CTIF: variants seen among roughly 807,000 people sequenced by gnomAD.
CTIF encodes cap binding complex dependent translation initiation factor.
CTIF carries 21 observed loss-of-function variants against 66.0 expected under a neutral mutation model. That is an observed-to-expected ratio of 0.32 (90% CI 0.23 to 0.46). The LOEUF is 0.46. Among genes scored for constraint, CTIF ranks in the 20% least tolerant of loss-of-function variants. The pLI is 1.00. For synonymous variants in CTIF, 345 were observed against 326.4 expected (o/e 1.06, Z -0.62); for missense variants, 739 against 812.7 (o/e 0.91, Z 1.10).
chr18:48,724,587 A>C (rs766614546), intron 7 of CTIF, among the ~76,000 whole-genome samples: 7 of 152,092 alleles, frequency 4.6e-5, no homozygotes, highest in Non-Finnish European at 7.4e-5. Flanking sequence ...TCATGGCCTC[A>C]TTCATCCTCC....
At chr18:48,813,959 A>T (rs994488624) in intron 9 of CTIF, among the ~76,000 whole-genome samples, 1 of 152,202 alleles carries the variant, frequency 6.6e-6, no homozygotes, top group Non-Finnish European at 1.5e-5. Flanking sequence ...GTACTGACAG[A>T]TACTGTCTAC....
chr18:48,695,836 C>T (rs1035168894), intron 6 of CTIF, among the ~76,000 whole-genome samples: 1 of 152,192 alleles, frequency 6.6e-6, no homozygotes, highest in Non-Finnish European at 1.5e-5. Context: ...GAGAAGAGCG[C>T]GTATTTATCG....
At chr18:48,546,902 GCTTTGAATGTCCA>G (rs1167298102) in intron 1 of CTIF, among the ~76,000 whole-genome samples, 1 of 152,190 alleles carries the variant, frequency 6.6e-6, no homozygotes, top group Non-Finnish European at 1.5e-5. Context: ...GCCTGTTAGA[GCTTTGAATGTCCA>G]CTACACATGT....
intron 10 of CTIF, among the ~76,000 whole-genome samples, chr18:48,848,368 A>G (rs544219579): frequency 6.6e-6 from 1 of 152,072 alleles, no homozygotes; most frequent in Admixed American, 6.5e-5. Context: ...TGGCTCCCTC[A>G]TGGCTGCCCC....
At chr18:48,680,849 C>G (rs75799414) in intron 6 of CTIF, among the ~76,000 whole-genome samples, 10,086 of 152,314 alleles carry the variant, frequency 0.066, 447 homozygotes, top group Non-Finnish European at 0.092. Context: ...TAGCCAATGT[C>G]CCATTTCTGG....
intron 9 of CTIF, among the ~76,000 whole-genome samples, chr18:48,792,272 A>G (rs1050736187): frequency 2.0e-5 from 3 of 146,578 alleles, no homozygotes; most frequent in African/African-American, 7.4e-5. Flanking sequence ...TGCCTGCCCC[A>G]TGGGAGAACT....
intron 1 of CTIF, among the ~76,000 whole-genome samples, chr18:48,588,843 T>C (rs2089827953): frequency 6.6e-6 from 1 of 152,250 alleles, no homozygotes; most frequent in African/African-American, 2.4e-5. Flanking sequence ...GCAGCTGAAC[T>C]GGACTTATCC....
chr18:48,721,429 C>A (rs1336186082), intron 7 of CTIF, among the ~76,000 whole-genome samples: 1 of 152,202 alleles, frequency 6.6e-6, no homozygotes, highest in African/African-American at 2.4e-5. Context: ...TGAGGATTGG[C>A]TCACAAACAC....
At chr18:48,782,887 A>T (rs1016775918) in intron 9 of CTIF, among the ~76,000 whole-genome samples, 3 of 151,506 alleles carry the variant, frequency 2.0e-5, no homozygotes, top group Admixed American at 1.3e-4. Context: ...ACCCACCCCC[A>T]CTCCACTGGC....
chr18:48,813,822 A>ATC (rs2068308537), intron 9 of CTIF, among the ~76,000 whole-genome samples: 1 of 152,188 alleles, frequency 6.6e-6, no homozygotes, highest in Non-Finnish European at 1.5e-5. Context: ...TGAGAGCACC[A>ATC]TCCCTTAAAG....
intron 1 of CTIF, among the ~76,000 whole-genome samples, chr18:48,570,105 G>A (rs2089377677): frequency 6.6e-6 from 1 of 152,218 alleles, no homozygotes; most frequent in East Asian, 1.9e-4. Context: ...CTCCCTGTGA[G>A]TGGAAGAGCA....
chr18:48,715,493 G>A lies in CTIF; in HGVS notation c.584+3798G>A, dbSNP rs75136386. On this transcript the variant is annotated intron_variant, in intron 7 of 11. Transcript: ENST00000256413. Reference sequence around the variant, plus strand: ...AAGTTGGAGACCTGTTGCTTGGAACGGGGGCTGCTAAGGCTCGTTCCCCCC... The same window carrying A: ...AAGTTGGAGACCTGTTGCTTGGAACAGGGGCTGCTAAGGCTCGTTCCCCCC... Among the ~76,000 whole-genome samples, 784 of 152,286 alleles carry A rather than the reference G, an allele frequency of 5.1e-3. 5 individuals carry two copies. The highest frequency in any genetic ancestry group is 0.018 in the African/African-American group (753 of 41,556).
chr18:48,667,805 G>T (rs565776321), intron 5 of CTIF, among the ~76,000 whole-genome samples: 15 of 152,318 alleles, frequency 9.8e-5, no homozygotes, highest in African/African-American at 3.6e-4. Context: ...ACTAGCCAAA[G>T]CCTGTCACTC....
At chr18:48,620,181 A>G (rs56864294) in intron 2 of CTIF, among the ~76,000 whole-genome samples, 12,961 of 152,288 alleles carry the variant, frequency 0.085, 610 homozygotes, top group South Asian at 0.13. Context: ...GTTGGTAGCC[A>G]AAGGAATGAT....
At chr18:48,716,472 C>G (rs1171972600) in intron 7 of CTIF, among the ~76,000 whole-genome samples, 9 of 152,104 alleles carry the variant, frequency 5.9e-5, no homozygotes, top group Non-Finnish European at 1.5e-5. Context: ...CTGCCTCTGT[C>G]CTGTGATTGA....
intron 3 of CTIF, among the ~76,000 whole-genome samples, chr18:48,652,414 C>T (rs186205082): frequency 2.7e-3 from 413 of 152,306 alleles, no homozygotes; most frequent in African/African-American, 9.2e-3. Context: ...GACACATACA[C>T]CCTCCCAAGA....
At chr18:48,792,095 G>A (rs1033852407) in intron 9 of CTIF, among the ~76,000 whole-genome samples, 1 of 152,220 alleles carries the variant, frequency 6.6e-6, no homozygotes, top group East Asian at 1.9e-4. Context: ...TTTCCAAAAG[G>A]CTGTGGAGAA....
chr18:48,548,938 A>G (rs2088819962), intron 1 of CTIF, among the ~76,000 whole-genome samples: 1 of 152,154 alleles, frequency 6.6e-6, no homozygotes, highest in Non-Finnish European at 1.5e-5. Flanking sequence ...GTATGGGGTC[A>G]GGAGAATGAA....
At chr18:48,782,895 G>A (rs991442647) in intron 9 of CTIF, among the ~76,000 whole-genome samples, 3 of 152,192 alleles carry the variant, frequency 2.0e-5, no homozygotes, top group Non-Finnish European at 2.9e-5. Context: ...CCACTCCACT[G>A]GCTACCAAGC....
Sources: gnomAD v4.1 joint callset for allele counts (sites outside exome capture counted in the v4.1 genomes callset) on GRCh38, gnomAD v4.1.1 for gene constraint, MANE v1.5 for transcripts, NCBI Gene and HGNC (gene_info 2026-07-23, HGNC 2026-07-21) for gene names.